GART: variants seen among roughly 807,000 people sequenced by gnomAD.
GART encodes phosphoribosylglycinamide formyltransferase, phosphoribosylglycinamide synthetase, phosphoribosylaminoimidazole synthetase, also known as trifunctional purine biosynthetic protein adenosine-3.
GART carries 43 observed loss-of-function variants against 107.2 expected under a neutral mutation model. That is an observed-to-expected ratio of 0.40 (90% CI 0.31 to 0.52). The LOEUF (loss-of-function observed/expected upper bound fraction) is 0.52. Among genes scored for constraint, GART ranks in the 20% least tolerant of loss-of-function variants. The probability of loss-of-function intolerance (pLI) is 0.52; values close to 1 mark genes in which losing one functional copy is unlikely to be tolerated. For missense variants in GART, 1,107 were observed against 1,206.5 expected, an observed-to-expected ratio of 0.92 and a Z score of 1.22; for synonymous variants, 434 against 427.0, an observed-to-expected ratio of 1.02 and a Z score of -0.20.
intron 2 of GART, among the ~76,000 whole-genome samples, chr21:33,538,526 C>T (rs1038656550): frequency 6.6e-6 from 1 of 152,086 alleles, no homozygotes; most frequent in Non-Finnish European, 1.5e-5. Context: ...AGCCACTGCA[C>T]GTGGCCGCAA....
At chr21:33,518,532 G>A (rs1471056734) in intron 14 of GART, 1 of 212,064 alleles carries the variant, frequency 4.7e-6, no homozygotes, top group Admixed American at 5.3e-5. Flanking sequence ...GAAAAGAGCT[G>A]CAGTGTCCAA....
intron 14 of GART, among the ~76,000 whole-genome samples, chr21:33,518,196 T>C (rs1399558708): frequency 3.3e-5 from 5 of 152,216 alleles, no homozygotes; most frequent in Non-Finnish European, 4.4e-5. Context: ...AAAGAATAAA[T>C]TGTGGGCTGG....
At chr21:33,538,328 C>G (rs1056271396) in intron 2 of GART, among the ~76,000 whole-genome samples, 1 of 150,706 alleles carries the variant, frequency 6.6e-6, no homozygotes, top group Non-Finnish European at 1.5e-5. Flanking sequence ...TTTTGTGAGA[C>G]AGGTTCTCAT....
rs539456592 is a variant in GART at position 33,531,534 on chromosome 21, T to C, written c.552A>G (p.Gly184=). The stretch of plus-strand genomic sequence containing the variant: ...GAAGTTCTTCAATGACAATTGTTTC[T>C]CCAGCTGCCCCAAAGGCTTTCTCCT... The part of the protein sequence containing the change: ...IMQEKAFGAA[G]ETIVIEELLD... The change falls in exon 6 of 22, where the codon GGA becomes GGG. Residue 184 remains glycine (G), a synonymous_variant. Transcript: ENST00000381815. The C allele has an allele frequency of 2.3e-4, 366 of 1,611,544 alleles. 8 individuals are homozygous for C. The South Asian group carries it at 3.9e-3, about 17-fold the overall frequency.
chr21:33,531,223 G>A (rs1012869070), intron 6 of GART: 1 of 431,426 alleles, frequency 2.3e-6, no homozygotes, highest in African/African-American at 2.0e-5. Context: ...GTATATGAAA[G>A]AAAAAGCATG....
rs138014287 is a variant in GART at position 33,527,765 on chromosome 21, C to T, written c.1066+402G>A. ...GTGCACTGTAAACTGGGGGTCAAAC[C>T]ACACAAAACTGTATGCATTTGTGAT... On this transcript the variant is annotated intron_variant, in intron 10 of 21. Transcript: ENST00000381815. 1.8e-3 allele frequency among the ~76,000 whole-genome samples: 281 copies of T among 152,206 alleles called. 3 individuals are homozygous for T. The Middle Eastern group carries it at 0.027, about 15-fold the overall frequency.
At position 33,524,913 on chromosome 21, in the gene GART, C is replaced by T. The variant is rs754633079; in HGVS notation, c.1154G>A (p.Arg385Lys). ...CCGGATGGCTGTGACTGCAAGAACT[C>T]TACCCCCATGAGTTACTACTTTGCC... ...KNGKVVTHGGRVLAVTAIREN... is the reference protein window; with the variant it reads ...KNGKVVTHGGKVLAVTAIREN... The change falls in exon 11 of 22, where the codon AGA becomes AAA. Residue 385 changes from arginine (R) to lysine (K), a missense_variant. Transcript: ENST00000381815. 1.1e-5 allele frequency: 17 copies of T among 1,614,110 alleles called. No individual in the cohort carries two copies. Among genetic ancestry groups the T allele is most frequent in the Admixed American group, 1.7e-5 (1 of 60,006 alleles).
chr21:33,522,720 T>G (rs2084995206), intron 11 of GART, among the ~76,000 whole-genome samples: 1 of 152,216 alleles, frequency 6.6e-6, no homozygotes, highest in Non-Finnish European at 1.5e-5. Flanking sequence ...GGCACCATCA[T>G]CCATCTCCAT....
intron 1 of GART, among the ~76,000 whole-genome samples, chr21:33,541,459 A>G (rs372061871): frequency 4.5e-4 from 69 of 152,372 alleles, no homozygotes; most frequent in African/African-American, 1.3e-3. Flanking sequence ...CTTTAAATCT[A>G]GAGCAAATGT....
At chr21:33,518,782 G>T in intron 14 of GART, 1 of 486,854 alleles carries the variant, frequency 2.1e-6, no homozygotes, top group Non-Finnish European at 4.0e-6. Context: ...CAGACTATTT[G>T]GGCAGAGCTT....
At position 33,504,006 on chromosome 21, in the gene GART, G is replaced by T; in HGVS notation, c.*118C>A. The T allele has an allele frequency of 1.2e-6, 1 of 825,800 alleles. No homozygotes were observed. The highest frequency in any genetic ancestry group is 1.8e-6 in the Non-Finnish European group (1 of 541,480). The allele number at this position is 825,800 out of a possible 1,614,324, so 51.2% of individuals were successfully genotyped here. On this transcript the variant is annotated 3_prime_UTR_variant, in exon 22 of 22. Transcript: ENST00000381815. ...TATTAAAAAAATAGATGAAGTAAGG[G>T]TGAGGTCTTTTTTGTCTTTTAGCAG...
chr21:33,525,070 A>G lies in GART; in HGVS notation c.1067-70T>C, dbSNP rs879142199. On this transcript the variant is annotated intron_variant, in intron 10 of 21. Transcript: ENST00000381815. ...ATTTCACACCGTGAAGTGATTTACG[A>G]TTTCCACAAGTTTCTTTTTTTTTTT... The G allele has an allele frequency of 1.3e-5, 19 of 1,493,882 alleles. No homozygotes were observed. In the South Asian group the frequency reaches 2.5e-4, roughly 20 times the overall value. 92.5% of individuals were successfully genotyped at this position (1,493,882 alleles called of 1,614,324 possible). A position where few individuals can be genotyped will look rare whatever the true frequency, so the allele number is the denominator to read the frequency against.
intron 2 of GART, among the ~76,000 whole-genome samples, chr21:33,537,476 A>G (rs1378575610): frequency 1.3e-5 from 2 of 152,234 alleles, no homozygotes; most frequent in Non-Finnish European, 2.9e-5. Flanking sequence ...ACATTCTACT[A>G]GAGATTATAT....
In GART at chr21:33,504,326, A is replaced by T. The variant is rs200852751; in HGVS notation, c.2842-11T>A. On this transcript the variant is annotated splice_polypyrimidine_tract_variant and intron_variant, in intron 21 of 21. Coordinates refer to ENST00000381815, the MANE Select transcript of GART (RefSeq NM_000819.5). ...AGCATCCACATCTTCCTGGAAAAGT[A>T]AGCAAAAGTTTTGAACATTACCTTC... 6.2e-7 allele frequency: 1 copy of T among 1,612,878 alleles called. No homozygotes were observed. The highest frequency in any genetic ancestry group is 2.2e-5 in the East Asian group (1 of 44,852).
At chr21:33,513,105 CTGTGTGTGTGTGTGTGTG>C (rs3057407) in intron 16 of GART, among the ~76,000 whole-genome samples, 2 of 144,556 alleles carry the variant, frequency 1.4e-5, no homozygotes, top group African/African-American at 5.2e-5. Context: ...GTGTGTGTCT[CTGTGTGTGTGTGTGTGTG>C]TGTGTGTGTG....
intron 11 of GART, chr21:33,524,543 C>T: frequency 8.2e-7 from 1 of 1,215,220 alleles, no homozygotes; most frequent in Non-Finnish European, 1.0e-6. Context: ...AAAATCAGTA[C>T]CACTGTGATT....
intron 19 of GART, 99 bp from the exon 20 acceptor site, chr21:33,505,801 G>T: frequency 7.5e-7 from 1 of 1,330,570 alleles, no homozygotes; most frequent in Non-Finnish European, 1.0e-6. Context: ...TCCTTGTAAA[G>T]ATATACCTGA....
intron 20 of GART, among the ~76,000 whole-genome samples, chr21:33,504,832 TAAGC>T (rs1431700110): frequency 6.6e-6 from 1 of 152,158 alleles, no homozygotes; most frequent in Non-Finnish European, 1.5e-5. Context: ...CTATTAAAAA[TAAGC>T]AAGAGGTTCT....
chr21:33,524,520 T>A (rs930662950), intron 11 of GART: 11 of 1,077,464 alleles, frequency 1.0e-5, no homozygotes, highest in Non-Finnish European at 1.1e-5. Context: ...ATAAAAAAAA[T>A]AGAAAACAAA....
Sources: gnomAD v4.1 joint callset for allele counts (sites outside exome capture counted in the v4.1 genomes callset) on GRCh38, gnomAD v4.1.1 for gene constraint, MANE v1.5 for transcripts, NCBI Gene and HGNC (gene_info 2026-07-23, HGNC 2026-07-21) for gene names.